The following PIK3R4 variants were observed in gnomAD, a reference collection of about 807,000 sequenced individuals.
PIK3R4 encodes the protein phosphoinositide 3-kinase regulatory subunit 4.
PIK3R4 carries 46 observed loss-of-function variants against 136.5 expected under a neutral mutation model. The ratio of observed to expected loss-of-function variants is 0.34; its 90% CI spans 0.27 to 0.43. The LOEUF (loss-of-function observed/expected upper bound fraction) is 0.43. Ranked by LOEUF, PIK3R4 falls within the 20% of genes least tolerant of loss-of-function variation. The probability of loss-of-function intolerance (pLI) is 1.00; values close to 1 mark genes in which losing one functional copy is unlikely to be tolerated. For synonymous variants in PIK3R4, 557 were observed against 566.7 expected, an observed-to-expected ratio of 0.98 and a Z score of 0.24; for missense variants, 1,331 against 1,649.5, an observed-to-expected ratio of 0.81 and a Z score of 3.35.
chr3:130,687,168 T>C (rs1342460072), intron 14 of PIK3R4, among the ~76,000 whole-genome samples: 1 of 152,030 alleles, frequency 6.6e-6, no homozygotes, highest in Non-Finnish European at 1.5e-5. Context: ...TTGTTTCATA[T>C]ATACCTTATA....
intron 7 of PIK3R4, among the ~76,000 whole-genome samples, chr3:130,722,922 G>A (rs901596919): frequency 1.3e-5 from 2 of 149,650 alleles, no homozygotes; most frequent in African/African-American, 4.9e-5. Context: ...AAAATTAGCC[G>A]GGCATGGTGG....
chr3:130,690,342 AT>A (rs1394210435), intron 14 of PIK3R4, 147 bp downstream of exon 14: 3 of 351,056 alleles, frequency 8.5e-6, no homozygotes, highest in African/African-American at 6.4e-5. Context: ...AATTTTATTT[AT>A]TTATTTATTT....
chr3:130,694,238 A>C (rs2066534605), intron 13 of PIK3R4, among the ~76,000 whole-genome samples: 1 of 151,788 alleles, frequency 6.6e-6, no homozygotes, highest in South Asian at 2.1e-4. Context: ...CTTTTCTTTC[A>C]ATATTGTTTT....
At chr3:130,687,120 TCTTGGGAATGGGACACAA>T (rs1359809194) in intron 14 of PIK3R4, among the ~76,000 whole-genome samples, 1 of 151,740 alleles carries the variant, frequency 6.6e-6, no homozygotes, top group Non-Finnish European at 1.5e-5. Flanking sequence ...TAATGAGGTA[TCTTGGGAATGGGACACAA>T]GTCTAAACAT....
chr3:130,694,278 T>C (rs1005091443), intron 13 of PIK3R4, among the ~76,000 whole-genome samples: 1 of 151,906 alleles, frequency 6.6e-6, no homozygotes, highest in Non-Finnish European at 1.5e-5. Context: ...TAATTCTTTA[T>C]GGATTTTAGG....
chr3:130,689,685 C>T (rs1410278942), intron 14 of PIK3R4, among the ~76,000 whole-genome samples: 1 of 152,192 alleles, frequency 6.6e-6, no homozygotes, highest in East Asian at 1.9e-4. Flanking sequence ...TCTTAACCAC[C>T]TTGCTTCACC....
Position 130,705,626 on chromosome 3 carries a change from T to G in PIK3R4, c.2867A>C (p.Asn956Thr). Residue 956 changes from asparagine (N) to threonine (T), a missense_variant, in exon 12 of 20, where the codon AAT becomes ACT. Coordinates refer to ENST00000356763, the MANE Select transcript of PIK3R4 (RefSeq NM_014602.3). Reference protein sequence around the residue: ...QLIQQKREQCNAERIAKQMME... With the variant: ...QLIQQKREQCTAERIAKQMME... ...CATCTGCTTAGCTATTCTCTCAGCA[T>G]TGCACTGCTCCCGCTTTTGCTGGAT... 1 of 1,613,888 alleles carries G rather than the reference T, an allele frequency of 6.2e-7. No individual in the cohort carries two copies. The highest frequency in any genetic ancestry group is 8.5e-7 in the Non-Finnish European group (1 of 1,179,766).
At chr3:130,686,563 TAAAA>T in intron 14 of PIK3R4, 141 bp from the exon 15 acceptor site, 1 of 600,448 alleles carries the variant, frequency 1.7e-6, no homozygotes, top group Non-Finnish European at 3.0e-6. Flanking sequence ...GCCGACACAT[TAAAA>T]AAATTCCAGA....
intron 4 of PIK3R4, among the ~76,000 whole-genome samples, chr3:130,732,544 T>G (rs1215434810): frequency 6.6e-6 from 1 of 152,204 alleles, no homozygotes; most frequent in African/African-American, 2.4e-5. Flanking sequence ...CTTTGATGTG[T>G]CTTAAGAGAA....
chr3:130,694,011 T>C (rs997664132), intron 13 of PIK3R4, among the ~76,000 whole-genome samples: 2 of 152,096 alleles, frequency 1.3e-5, no homozygotes, highest in African/African-American at 4.8e-5. Flanking sequence ...CTAAAGGCCA[T>C]TCTTTTCCCA....
rs371058966 is a variant in PIK3R4, at chr3:130,739,538, A to G, written c.734-3536T>C. On this transcript the variant is annotated intron_variant, in intron 2 of 19. Coordinates refer to ENST00000356763, the MANE Select transcript of PIK3R4 (RefSeq NM_014602.3). ...AGGTGTACACCACCACGCCCAACTA[A>G]TTTTTTACATTTTTTGTAGAGACAG... 4.6e-5 allele frequency among the ~76,000 whole-genome samples: 7 copies of G among 151,810 alleles called. No individual in the cohort carries two copies. The East Asian group carries it at 7.7e-4, about 17-fold the overall frequency.
intron 19 of PIK3R4, among the ~76,000 whole-genome samples, chr3:130,679,964 TC>T (rs910398589): frequency 6.9e-6 from 1 of 144,394 alleles, no homozygotes; most frequent in Admixed American, 7.3e-5. Context: ...TAGTCCCAGC[TC>T]CTCAGGAGGC....
intron 11 of PIK3R4, among the ~76,000 whole-genome samples, chr3:130,706,306 A>C (rs2066605895): frequency 6.6e-6 from 1 of 152,252 alleles, no homozygotes; most frequent in Non-Finnish European, 1.5e-5. Flanking sequence ...AAACATGCTC[A>C]GAACCTTACA....
intron 4 of PIK3R4, among the ~76,000 whole-genome samples, chr3:130,733,162 C>T (rs949856226): frequency 1.3e-5 from 2 of 152,142 alleles, no homozygotes; most frequent in African/African-American, 2.4e-5. Context: ...CAAAATTAAT[C>T]TTTTTCAGCA....
At chr3:130,730,819 A>G (rs896031345) in intron 4 of PIK3R4, among the ~76,000 whole-genome samples, 9 of 152,188 alleles carry the variant, frequency 5.9e-5, no homozygotes, top group African/African-American at 2.2e-4. Flanking sequence ...AAAATAACAG[A>G]TAAAGCTAAG....
rs1476138817 is a variant in PIK3R4 at position 130,680,967 on chromosome 3, G to C, written c.3797+10C>G. ...AGTATCCATTTTATTAAAGTATTGA[G>C]ATAGTGTACCTTATTTTCATATCTG... On this transcript the variant is annotated intron_variant, in intron 18 of 19. Transcript: ENST00000356763. The C allele has an allele frequency of 7.4e-7, 1 of 1,350,010 alleles. No homozygotes were observed. Among genetic ancestry groups the C allele is most frequent in the Non-Finnish European group, 1.0e-6 (1 of 953,986 alleles). The allele number at this position is 1,350,010 out of a possible 1,614,324, so 83.6% of individuals were successfully genotyped here.
In PIK3R4 at chr3:130,705,542, T is replaced by A; in HGVS notation, c.2932+19A>T. ...AGCACCTAGACTAGACTACAACTAC[T>A]TATCAACGGAACTTTTACCAGGTGG... On this transcript the variant is annotated intron_variant, in intron 12 of 19. Transcript: ENST00000356763. 6.5e-7 allele frequency: 1 copy of A among 1,534,804 alleles called. No homozygotes were observed.
At chr3:130,710,860 C>T (rs760947436) in intron 9 of PIK3R4, among the ~76,000 whole-genome samples, 13 of 151,308 alleles carry the variant, frequency 8.6e-5, no homozygotes, top group Non-Finnish European at 1.6e-4. Context: ...TCAATCAATA[C>T]ATCAGTAAAT....
At chr3:130,712,742 T>C (rs913040738) in intron 9 of PIK3R4, among the ~76,000 whole-genome samples, 1 of 151,662 alleles carries the variant, frequency 6.6e-6, no homozygotes, top group Admixed American at 6.6e-5. Flanking sequence ...AAGTCTCTAC[T>C]AGTAATCCTA....
Sources: allele counts gnomAD v4.1 joint callset (sites outside exome capture counted in the v4.1 genomes callset), GRCh38; gene constraint gnomAD v4.1.1; transcripts MANE v1.5; gene names NCBI Gene and HGNC (gene_info 2026-07-23, HGNC 2026-07-21).